The following SIRPD variants were observed in gnomAD, a reference collection of about 807,000 sequenced individuals.
SIRPD encodes the protein signal-regulatory protein delta.
In SIRPD, 21 loss-of-function variants were observed where a neutral mutation model predicts 18.0. The observed-to-expected ratio is 1.17, with a 90% CI of 0.83 to 1.68. SIRPD has a LOEUF of 1.68. Among genes scored for constraint, SIRPD ranks in the 40% most tolerant of loss-of-function variants. The pLI is 0.00. For missense variants in SIRPD, 295 were observed against 238.4 expected (o/e 1.24, Z -1.56); for synonymous variants, 106 against 92.9 (o/e 1.14, Z -0.81).
intron 2 of SIRPD, among the ~76,000 whole-genome samples, chr20:1,546,572 A>G (rs2090994489): frequency 6.6e-6 from 1 of 152,178 alleles, no homozygotes; most frequent in African/African-American, 2.4e-5. Context: ...TTTTGTGTGA[A>G]CATATGTTTT....
chr20:1,557,491 A>G (rs890686495), intron 1 of SIRPD, 90 bp downstream of exon 1: 8 of 1,196,694 alleles, frequency 6.7e-6, no homozygotes, highest in Admixed American at 3.1e-5. Context: ...AACCCTCCCA[A>G]AAGAAATTCT....
chr20:1,549,416 T>C (rs2091008494), intron 2 of SIRPD, among the ~76,000 whole-genome samples: 2 of 152,096 alleles, frequency 1.3e-5, no homozygotes. Context: ...TAGTTTTCTG[T>C]TCTATTGCAT....
At chr20:1,535,182 T>C (rs568871009) in intron 3 of SIRPD, among the ~76,000 whole-genome samples, 1 of 152,340 alleles carries the variant, frequency 6.6e-6, no homozygotes, top group East Asian at 1.9e-4. Context: ...CAATTTATCA[T>C]TGAGTAAAAG....
chr20:1,552,093 G>A (rs914441514), intron 1 of SIRPD, 55 bp from the exon 2 acceptor site: 19 of 1,462,756 alleles, frequency 1.3e-5, no homozygotes, highest in African/African-American at 5.6e-5. Flanking sequence ...TTAAGCATGG[G>A]TACGGGTCAC....
intron 2 of SIRPD, among the ~76,000 whole-genome samples, chr20:1,549,735 TA>T (rs1465220249): frequency 1.3e-5 from 2 of 152,144 alleles, no homozygotes; most frequent in Non-Finnish European, 2.9e-5. Context: ...AAATATTTTT[TA>T]AAAATAATTT....
Position 1,548,461 on chromosome 20 carries a change from C to T in SIRPD, c.421+3230G>A, listed in dbSNP as rs545048466. 4.6e-5 allele frequency among the ~76,000 whole-genome samples: 7 copies of T among 152,158 alleles called. No individual in the cohort carries two copies. The South Asian group carries it at 1.5e-3, about 32-fold the overall frequency. On this transcript the variant is annotated intron_variant, in intron 2 of 3. Transcript: ENST00000381623. ...AACCTTGTATTCATGGGATAAATCCCACTTGGTCAACATGAATAATGCTTT... is the reference window on the plus strand; with the variant it reads ...AACCTTGTATTCATGGGATAAATCCTACTTGGTCAACATGAATAATGCTTT...
At chr20:1,550,330 ATGTGGATAGTTCCC>A (rs1399011073) in intron 2 of SIRPD, among the ~76,000 whole-genome samples, 6 of 152,358 alleles carry the variant, frequency 3.9e-5, no homozygotes, top group Admixed American at 3.3e-4. Flanking sequence ...CAAAAGGCTA[ATGTGGATAGTTCCC>A]TAGAACTCAT....
chr20:1,544,447 T>G (rs939902701), intron 2 of SIRPD, among the ~76,000 whole-genome samples: 2 of 151,806 alleles, frequency 1.3e-5, no homozygotes, highest in Non-Finnish European at 2.9e-5. Flanking sequence ...GCTTTTTTTT[T>G]TTTTTTGCTT....
chr20:1,539,183 AATT>A (rs1363349233), intron 2 of SIRPD, among the ~76,000 whole-genome samples: 1 of 152,294 alleles, frequency 6.6e-6, no homozygotes, highest in African/African-American at 2.4e-5. Flanking sequence ...GCAGTATTTT[AATT>A]ATTATTTAGT....
In SIRPD at chr20:1,537,278, C is replaced by T. The variant is rs2123114452; in HGVS notation, c.454G>A (p.Ala152Thr). The change falls in exon 3 of 4, where the codon GCA (alanine) becomes ACA (threonine). Residue 152 changes from alanine (A) to threonine (T), a missense_variant. By Grantham distance (58) the Ala-to-Thr change is moderately conservative. Transcript: ENST00000381623. ...QNPRPPKNRP[A>T]GRAGSRAHHD... ...TGGGCCCTGGAGCCTGCTCTGCCTG[C>T]AGGTCTGTTCTTGGGAGGTCTTGGA... 6.2e-7 allele frequency: 1 copy of T among 1,614,112 alleles called. No individual in the cohort carries two copies. The highest frequency in any genetic ancestry group is 1.6e-4 in the Middle Eastern group (1 of 6,062).
At chr20:1,543,415 G>A (rs749997516) in intron 2 of SIRPD, among the ~76,000 whole-genome samples, 2 of 152,074 alleles carry the variant, frequency 1.3e-5, no homozygotes, top group Admixed American at 6.5e-5. Context: ...TAGTTTATTC[G>A]CATGGAGGTG....
chr20:1,543,047 G>T (rs1432777205), intron 2 of SIRPD, among the ~76,000 whole-genome samples: 1 of 152,108 alleles, frequency 6.6e-6, no homozygotes, highest in Non-Finnish European at 1.5e-5. Context: ...TTTTATTGAG[G>T]ATTTTTGCAT....
At chr20:1,546,704 T>C (rs1963010528) in intron 2 of SIRPD, among the ~76,000 whole-genome samples, 1 of 152,246 alleles carries the variant, frequency 6.6e-6, no homozygotes, top group Non-Finnish European at 1.5e-5. Flanking sequence ...CATTTCCACC[T>C]GCAGTGTATG....
At position 1,557,705 on chromosome 20, in the gene SIRPD, C is replaced by T. The variant is rs1412295699; in HGVS notation, c.-52G>A. ...CCTGAATGCCTGTCCTGGAGATGCC[C>T]TCGACTCAGTGCTCCGAGCAGAGAA... On this transcript the variant is annotated 5_prime_UTR_variant, in exon 1 of 4. Coordinates refer to ENST00000381623, the MANE Select transcript of SIRPD (RefSeq NM_178460.3). 2 of 1,568,096 alleles carry T rather than the reference C, an allele frequency of 1.3e-6. No homozygotes were observed. The highest frequency in any genetic ancestry group is 8.7e-7 in the Non-Finnish European group (1 of 1,143,128).
At chr20:1,552,316 TG>T (rs1219598797) in intron 1 of SIRPD, among the ~76,000 whole-genome samples, 2 of 152,076 alleles carry the variant, frequency 1.3e-5, no homozygotes, top group Admixed American at 1.3e-4. Flanking sequence ...CAATTATCAA[TG>T]GGTAATGTTC....
intron 1 of SIRPD, among the ~76,000 whole-genome samples, chr20:1,552,877 G>T (rs1184652912): frequency 6.6e-6 from 1 of 152,110 alleles, no homozygotes; most frequent in African/African-American, 2.4e-5. Flanking sequence ...GGAAACCTGT[G>T]GATTTTCCAT....
chr20:1,537,155 C>T lies in SIRPD; in HGVS notation c.577G>A (p.Gly193Ser). ...CCCLRLLGLT[G>S]LLSK is the part of the protein sequence containing the mutation. Reference sequence around the variant, plus strand: ...GGTACCTGAGGGTGGGGGCACTCACCTGTGAGTCCCAGCAGCCGGAGGCAG... The same window carrying T: ...GGTACCTGAGGGTGGGGGCACTCACTTGTGAGTCCCAGCAGCCGGAGGCAG... The change falls in exon 3 of 4, where the codon GGC becomes AGC. Residue 193 changes from glycine to serine, a missense_variant and splice_region_variant. Coordinates refer to ENST00000381623, the MANE Select transcript of SIRPD (RefSeq NM_178460.3). 6.2e-7 allele frequency: 1 copy of T among 1,613,558 alleles called. No homozygotes were observed. Among genetic ancestry groups the T allele is most frequent in the South Asian group, 1.1e-5 (1 of 91,038 alleles).
chr20:1,537,405 T>C, intron 2 of SIRPD, 95 bp from the exon 3 acceptor site: 1 of 1,370,164 alleles, frequency 7.3e-7, no homozygotes, highest in Admixed American at 2.1e-5. Flanking sequence ...TTCCAGTTTC[T>C]AGATTGTGAA....
At chr20:1,554,956 G>T (rs1040071098) in intron 1 of SIRPD, among the ~76,000 whole-genome samples, 1 of 152,098 alleles carries the variant, frequency 6.6e-6, no homozygotes, top group Non-Finnish European at 1.5e-5. Context: ...TTCTTGGGTA[G>T]CACACAAGCC....
Sources: gnomAD v4.1 joint callset for allele counts (sites outside exome capture counted in the v4.1 genomes callset) on GRCh38, gnomAD v4.1.1 for gene constraint, MANE v1.5 for transcripts, NCBI Gene and HGNC (gene_info 2026-07-23, HGNC 2026-07-21) for gene names.